PTPRM: variants seen among roughly 807,000 people sequenced by gnomAD.
The protein encoded by PTPRM is receptor-type tyrosine-protein phosphatase mu.
A neutral mutation model predicts 186.7 loss-of-function variants in PTPRM; 47 were observed. That is an observed-to-expected ratio of 0.25 (90% CI 0.20 to 0.32). PTPRM has a LOEUF of 0.32. PTPRM is among the 10% of genes least tolerant of loss of function. The pLI is 1.00. For synonymous variants in PTPRM, 668 were observed against 674.9 expected, an observed-to-expected ratio of 0.99 and a Z score of 0.16; for missense variants, 1,494 against 1,865.0, an observed-to-expected ratio of 0.80 and a Z score of 3.66.
chr18:7,585,107 G>T (rs902124189), intron 1 of PTPRM, among the ~76,000 whole-genome samples: 3 of 152,198 alleles, frequency 2.0e-5, no homozygotes, highest in Non-Finnish European at 4.4e-5. Context: ...TGGGAAAACT[G>T]CAGGGAAAGC....
intron 2 of PTPRM, among the ~76,000 whole-genome samples, chr18:7,789,121 G>GT: frequency 6.6e-6 from 1 of 152,006 alleles, no homozygotes; most frequent in Non-Finnish European, 1.5e-5. Context: ...CAGAAGTTCA[G>GT]TACCTGTCTG....
chr18:8,379,406 G>A (rs909481400), intron 28 of PTPRM, 66 bp downstream of exon 28: 1 of 1,450,966 alleles, frequency 6.9e-7, no homozygotes, highest in Non-Finnish European at 9.2e-7. Context: ...GAACAGGCTT[G>A]GGTCTTCCCC....
intron 1 of PTPRM, among the ~76,000 whole-genome samples, chr18:7,661,421 G>T (rs147096711): frequency 1.3e-5 from 2 of 152,340 alleles, no homozygotes; most frequent in African/African-American, 4.8e-5. Flanking sequence ...CTGTTGTAAA[G>T]ACCTTAGCCC....
chr18:7,665,440 G>A (rs1031051792), intron 1 of PTPRM, among the ~76,000 whole-genome samples: 4 of 152,042 alleles, frequency 2.6e-5, no homozygotes, highest in African/African-American at 9.7e-5. Flanking sequence ...TTATTACCTC[G>A]TAAATTTTTC....
chr18:7,897,734 G>A (rs12605192), intron 3 of PTPRM, among the ~76,000 whole-genome samples: 20,303 of 151,998 alleles, frequency 0.13, 1,885 homozygotes, highest in African/African-American at 0.27. Context: ...TAATCTCTGC[G>A]TGGTCTGCCG....
At chr18:7,886,859 C>T (rs1270878517) in intron 2 of PTPRM, among the ~76,000 whole-genome samples, 1 of 152,172 alleles carries the variant, frequency 6.6e-6, no homozygotes, top group African/African-American at 2.4e-5. Flanking sequence ...CTGTATTTTT[C>T]ATTTGATACT....
intron 2 of PTPRM, among the ~76,000 whole-genome samples, chr18:7,839,720 C>T (rs1176851746): frequency 1.3e-5 from 2 of 152,142 alleles, no homozygotes; most frequent in Non-Finnish European, 2.9e-5. Flanking sequence ...GGTTACATGC[C>T]ACCAAGTCCA....
chr18:7,697,810 T>TGG, intron 1 of PTPRM, among the ~76,000 whole-genome samples: 1 of 152,300 alleles, frequency 6.6e-6, no homozygotes, highest in East Asian at 1.9e-4. Flanking sequence ...TACATGGAGA[T>TGG]GGAGGTGGAA....
intron 4 of PTPRM, among the ~76,000 whole-genome samples, chr18:7,915,247 A>G (rs1482354797): frequency 1.3e-5 from 2 of 152,162 alleles, no homozygotes; most frequent in Non-Finnish European, 2.9e-5. Flanking sequence ...TTTGTTATTC[A>G]TGGAAGATAT....
intron 13 of PTPRM, among the ~76,000 whole-genome samples, chr18:8,122,644 T>C (rs2092216908): frequency 6.6e-6 from 1 of 152,204 alleles, no homozygotes; most frequent in African/African-American, 2.4e-5. Flanking sequence ...TCCAACAAAA[T>C]ACATAAAGAT....
intron 1 of PTPRM, among the ~76,000 whole-genome samples, chr18:7,700,993 A>AAAAAAG (rs10653685): frequency 0.043 from 4,529 of 106,514 alleles, 263 homozygotes; most frequent in Admixed American, 0.047. Context: ...AAAAAAAAAA[A>AAAAAAG]AAAGAAAGAA....
intron 19 of PTPRM, among the ~76,000 whole-genome samples, chr18:8,266,744 C>G (rs760212728): frequency 3.3e-5 from 5 of 152,076 alleles, no homozygotes; most frequent in African/African-American, 4.8e-5. Context: ...CCCACCTCTA[C>G]TAAAAATAGC....
At chr18:8,323,890 G>A (rs190105193) in intron 22 of PTPRM, among the ~76,000 whole-genome samples, 2 of 152,114 alleles carry the variant, frequency 1.3e-5, no homozygotes, top group East Asian at 1.9e-4. Flanking sequence ...TATCAAGATC[G>A]TTTCCCCAGA....
chr18:8,228,360 G>T (rs955953723), intron 14 of PTPRM, among the ~76,000 whole-genome samples: 3 of 152,226 alleles, frequency 2.0e-5, no homozygotes, highest in African/African-American at 7.2e-5. Flanking sequence ...TAGGGAAGGT[G>T]CCCCAGCCAG....
intron 10 of PTPRM, among the ~76,000 whole-genome samples, chr18:8,088,118 T>C (rs566582255): frequency 6.6e-6 from 1 of 152,170 alleles, no homozygotes; most frequent in Non-Finnish European, 1.5e-5. Context: ...TTGAGATGTA[T>C]AGAAGCTCTT....
chr18:7,729,833 T>A (rs543623919), intron 1 of PTPRM, among the ~76,000 whole-genome samples: 1 of 152,328 alleles, frequency 6.6e-6, no homozygotes, highest in Middle Eastern at 3.4e-3. Flanking sequence ...TAAATTTAAA[T>A]CTTAGTCTCA....
chr18:8,285,839 A>G (rs2094951243), intron 19 of PTPRM, among the ~76,000 whole-genome samples: 1 of 152,112 alleles, frequency 6.6e-6, no homozygotes, highest in African/African-American at 2.4e-5. Flanking sequence ...AAAAAATACA[A>G]AAATTAGCTG....
At chr18:7,955,835 A>G (rs2053272341) in intron 7 of PTPRM, among the ~76,000 whole-genome samples, 1 of 152,196 alleles carries the variant, frequency 6.6e-6, no homozygotes, top group Non-Finnish European at 1.5e-5. Flanking sequence ...TCTTAGAGAT[A>G]GCCTTAAAGA....
intron 2 of PTPRM, among the ~76,000 whole-genome samples, chr18:7,872,605 T>C (rs1413652221): frequency 3.3e-5 from 5 of 152,210 alleles, no homozygotes; most frequent in African/African-American, 1.2e-4. Flanking sequence ...TTTCTTCCCA[T>C]TTCCTTGTCG....
Sources: gnomAD v4.1 joint callset for allele counts (sites outside exome capture counted in the v4.1 genomes callset) on GRCh38, gnomAD v4.1.1 for gene constraint, MANE v1.5 for transcripts, NCBI Gene and HGNC (gene_info 2026-07-23, HGNC 2026-07-21) for gene names.